Variants in GRM1 observed in about 807,000 individuals in gnomAD.
GRM1 encodes the protein metabotropic glutamate receptor 1.
A neutral mutation model predicts 90.9 loss-of-function variants in GRM1; 33 were observed. The observed-to-expected ratio is 0.36, with a 90% CI of 0.28 to 0.49. GRM1 has a LOEUF of 0.49. Among genes scored for constraint, GRM1 ranks in the 20% least tolerant of loss-of-function variants. The probability of loss-of-function intolerance (pLI) is 0.99; values close to 1 mark genes in which losing one functional copy is unlikely to be tolerated. For missense variants in GRM1, 1,190 were observed against 1,534.3 expected, an observed-to-expected ratio of 0.78 and a Z score of 3.75; for synonymous variants, 700 against 613.2, an observed-to-expected ratio of 1.14 and a Z score of -2.09.
At chr6:146,138,753 G>A (rs1297645297) in intron 1 of GRM1, among the ~76,000 whole-genome samples, 1 of 151,610 alleles carries the variant, frequency 6.6e-6, no homozygotes, top group African/African-American at 2.4e-5. Flanking sequence ...CTAAAGGTTT[G>A]TCTATCTTTT....
intron 1 of GRM1, among the ~76,000 whole-genome samples, chr6:146,118,944 G>A (rs1039400775): frequency 2.0e-5 from 3 of 152,152 alleles, no homozygotes; most frequent in Non-Finnish European, 2.9e-5. Context: ...ATAATCCTTT[G>A]GGTATATACC....
At chr6:146,064,550 A>G (rs1775779413) in intron 1 of GRM1, among the ~76,000 whole-genome samples, 1 of 152,156 alleles carries the variant, frequency 6.6e-6, no homozygotes, top group African/African-American at 2.4e-5. Flanking sequence ...AAAATATGAT[A>G]ATGCTTTTCC....
chr6:146,252,438 G>A (rs1439257111), intron 2 of GRM1, among the ~76,000 whole-genome samples: 2 of 152,008 alleles, frequency 1.3e-5, no homozygotes, highest in African/African-American at 4.8e-5. Context: ...AGGAGTTCAA[G>A]ACCAGCCTGG....
Position 146,196,461 on chromosome 6 carries a change from G to A in GRM1, c.950+36864G>A, listed in dbSNP as rs1044926043. 9.1e-4 allele frequency among the ~76,000 whole-genome samples: 83 copies of A among 91,474 alleles called. No individual in the cohort carries two copies. In the Middle Eastern group the frequency reaches 0.022, roughly 24 times the overall value. The allele number at this position is 91,474 out of a possible 152,430, so 60.0% of individuals were successfully genotyped here. ...CGCCACCATGCCCGGCTAATTTTTTGTATTTTTTTTTTTTTTTTTTTTTTT... is the reference window on the plus strand; with the variant it reads ...CGCCACCATGCCCGGCTAATTTTTTATATTTTTTTTTTTTTTTTTTTTTTT... On this transcript the variant is annotated intron_variant, in intron 2 of 7. Transcript: ENST00000282753.
At chr6:146,276,784 T>G (rs942530766) in intron 2 of GRM1, among the ~76,000 whole-genome samples, 25 of 152,150 alleles carry the variant, frequency 1.6e-4, no homozygotes, top group Admixed American at 4.6e-4. Flanking sequence ...TTTGTACATT[T>G]TATCTTAATG....
chr6:146,310,687 T>G (rs200516981), intron 3 of GRM1, among the ~76,000 whole-genome samples: 1 of 152,244 alleles, frequency 6.6e-6, no homozygotes, highest in East Asian at 1.9e-4. Context: ...ACTCTCATTT[T>G]CTTTCCTGGA....
intron 3 of GRM1, among the ~76,000 whole-genome samples, chr6:146,350,557 CTTGT>C (rs1177655815): frequency 1.1e-4 from 17 of 151,534 alleles, no homozygotes; most frequent in Admixed American, 1.1e-3. Flanking sequence ...CCTATAAGGG[CTTGT>C]TTAAGAGTTA....
intron 3 of GRM1, among the ~76,000 whole-genome samples, chr6:146,345,951 C>G (rs1031459969): frequency 1.3e-5 from 2 of 152,158 alleles, no homozygotes; most frequent in Non-Finnish European, 2.9e-5. Context: ...GTTTATTACT[C>G]CACAACACTG....
At chr6:146,150,920 A>G (rs1777300082) in intron 1 of GRM1, among the ~76,000 whole-genome samples, 1 of 111,128 alleles carries the variant, frequency 9.0e-6, no homozygotes, top group African/African-American at 3.9e-5. Flanking sequence ...CTGTATAAAC[A>G]CACACACGCG....
At chr6:146,095,728 G>A (rs895084815) in intron 1 of GRM1, among the ~76,000 whole-genome samples, 8 of 152,086 alleles carry the variant, frequency 5.3e-5, no homozygotes, top group Admixed American at 2.6e-4. Context: ...GATGAATGAT[G>A]AGCTGCAATT....
chr6:146,140,125 CTTT>C (rs1583060133), intron 1 of GRM1, among the ~76,000 whole-genome samples: 1 of 120,820 alleles, frequency 8.3e-6, no homozygotes, highest in African/African-American at 3.2e-5. Flanking sequence ...TTCTTTCTTT[CTTT>C]CTTTCTTTCT....
rs1233935871 is a variant in GRM1 at position 146,054,920 on chromosome 6, GGGGT to G, written c.700+24709_700+24712del. 7.2e-5 allele frequency among the ~76,000 whole-genome samples: 11 copies of G among 152,132 alleles called. No homozygotes were observed. The East Asian group carries it at 1.4e-3, about 19-fold the overall frequency. ...TATCTGCTATGGCAGGGAAGATGCA[GGGGT>G]GGGTGTGGAGGGCAAGTGATGGGTG... On this transcript the variant is annotated intron_variant, in intron 1 of 7. Transcript: ENST00000282753.
At chr6:146,247,101 A>C (rs1781085801) in intron 2 of GRM1, among the ~76,000 whole-genome samples, 1 of 152,180 alleles carries the variant, frequency 6.6e-6, no homozygotes, top group Admixed American at 6.5e-5. Context: ...TCTGTAGGCC[A>C]GTTTCTCTTC....
At chr6:146,312,834 C>T (rs904542385) in intron 3 of GRM1, among the ~76,000 whole-genome samples, 6 of 152,200 alleles carry the variant, frequency 3.9e-5, no homozygotes, top group African/African-American at 1.4e-4. Flanking sequence ...GCCAACGCTG[C>T]CAGCTTGCTT....
At chr6:146,350,656 G>C (rs954761003) in intron 3 of GRM1, among the ~76,000 whole-genome samples, 1 of 152,106 alleles carries the variant, frequency 6.6e-6, no homozygotes, top group Non-Finnish European at 1.5e-5. Flanking sequence ...AAGGGCCATG[G>C]GTTCTGAGTG....
At chr6:146,386,091 T>G (rs1453639081) in intron 5 of GRM1, among the ~76,000 whole-genome samples, 2 of 152,032 alleles carry the variant, frequency 1.3e-5, no homozygotes, top group Non-Finnish European at 2.9e-5. Context: ...TACTAAACAA[T>G]AAAAGGCAGA....
chr6:146,194,903 CT>C (rs1239792206), intron 2 of GRM1, among the ~76,000 whole-genome samples: 2 of 152,284 alleles, frequency 1.3e-5, no homozygotes, highest in Middle Eastern at 6.8e-3. Context: ...GACTCTGCCA[CT>C]TAACAACTTA....
chr6:146,368,370 T>C (rs754851257), intron 5 of GRM1, among the ~76,000 whole-genome samples: 5 of 152,072 alleles, frequency 3.3e-5, no homozygotes, highest in South Asian at 4.1e-4. Flanking sequence ...TATTACTTTC[T>C]CTTGCCTAAT....
At chr6:146,140,665 A>G (rs1003113766) in intron 1 of GRM1, among the ~76,000 whole-genome samples, 3 of 152,254 alleles carry the variant, frequency 2.0e-5, no homozygotes, top group African/African-American at 7.2e-5. Flanking sequence ...ACTGATTGCA[A>G]AAACAAATTA....
Sources: gnomAD v4.1 joint callset for allele counts (sites outside exome capture counted in the v4.1 genomes callset) on GRCh38, gnomAD v4.1.1 for gene constraint, MANE v1.5 for transcripts, NCBI Gene and HGNC (gene_info 2026-07-23, HGNC 2026-07-21) for gene names.